Variants in GREB1 observed in about 807,000 individuals in gnomAD.
The protein encoded by GREB1 is protein GREB1.
A neutral mutation model predicts 200.7 loss-of-function variants in GREB1; 106 were observed. The ratio of observed to expected loss-of-function variants is 0.53; its 90% CI spans 0.45 to 0.62. The LOEUF is 0.62. Ranked by LOEUF, GREB1 falls within the 20% of genes least tolerant of loss-of-function variation. The pLI is 0.00. For synonymous variants in GREB1, 1,132 were observed against 1,092.4 expected (o/e 1.04, Z -0.72); for missense variants, 2,243 against 2,556.8 (o/e 0.88, Z 2.65).
chr2:11,508,935 C>T (rs1457918874), intron 1 of GREB1, among the ~76,000 whole-genome samples: 4 of 145,596 alleles, frequency 2.7e-5, no homozygotes, highest in East Asian at 4.1e-4. Context: ...AGTGCAGTGG[C>T]GCGATCTCGG....
At chr2:11,613,706 A>G (rs948571575) in intron 19 of GREB1, among the ~76,000 whole-genome samples, 1 of 152,198 alleles carries the variant, frequency 6.6e-6, no homozygotes, top group East Asian at 1.9e-4. Flanking sequence ...GTCTTAATCT[A>G]TTTTAAATTT....
At chr2:11,495,676 T>G (rs75438804) in intron 1 of GREB1, among the ~76,000 whole-genome samples, 5,370 of 152,036 alleles carry the variant, frequency 0.035, 321 homozygotes, top group African/African-American at 0.12. Context: ...CTTGTCTGAG[T>G]CCACACACCT....
intron 29 of GREB1, among the ~76,000 whole-genome samples, chr2:11,634,929 TG>T (rs1685187773): frequency 6.6e-6 from 1 of 152,248 alleles, no homozygotes; most frequent in African/African-American, 2.4e-5. Flanking sequence ...GGAGGTTTTT[TG>T]TTGCTTTCTT....
At chr2:11,627,203 T>C in intron 25 of GREB1, 99 bp downstream of exon 25, 1 of 1,155,460 alleles carries the variant, frequency 8.7e-7, no homozygotes, top group Non-Finnish European at 1.2e-6. Flanking sequence ...AGATAGAGAG[T>C]TCTGGAAGCC....
intron 1 of GREB1, among the ~76,000 whole-genome samples, chr2:11,514,453 A>G (rs1487168530): frequency 1.3e-5 from 2 of 152,188 alleles, no homozygotes; most frequent in African/African-American, 4.8e-5. Context: ...ATGCCACACC[A>G]TGTTTCCATG....
chr2:11,579,256 A>G (rs1429020730), intron 6 of GREB1, among the ~76,000 whole-genome samples: 1 of 152,108 alleles, frequency 6.6e-6, no homozygotes, highest in Admixed American at 6.5e-5. Context: ...CCAGGCCCCC[A>G]GTGCCTCTGC....
At position 11,562,533 on chromosome 2, in the gene GREB1, A is replaced by G. The variant is rs759544400; in HGVS notation, c.228A>G (p.Pro76=). The change falls in exon 3 of 33, where the codon CCA becomes CCG. Residue 76 remains proline, a synonymous_variant. Coordinates refer to ENST00000381486, the MANE Select transcript of GREB1 (RefSeq NM_014668.4). ...GAGGGCTGGAAACAAATGGCCCCCC[A>G]AACCCTTTCCAGCTGCACCCTCTGC... The part of the protein sequence containing the change: ...GEGGLETNGP[P]NPFQLHPLPE... 8.1e-6 allele frequency: 13 copies of G among 1,606,094 alleles called. No individual in the cohort carries two copies. The highest frequency in any genetic ancestry group is 1.1e-5 in the Non-Finnish European group (13 of 1,176,574).
chr2:11,640,230 C>A lies in GREB1; in HGVS notation c.5687-61C>A. The A allele has an allele frequency of 6.6e-7, 1 of 1,522,608 alleles. No homozygotes were observed. The highest frequency in any genetic ancestry group is 1.2e-5 in the South Asian group (1 of 81,284). The allele number at this position is 1,522,608 out of a possible 1,614,324, so 94.3% of individuals were successfully genotyped here. On this transcript the variant is annotated intron_variant, in intron 32 of 32. Coordinates refer to ENST00000381486, the MANE Select transcript of GREB1 (RefSeq NM_014668.4). The surrounding 1 kb of genome is among the most constrained non-coding windows in gnomAD (Gnocchi z 4.6). ...GTCATTGCAAGTAGAATCCGGGCAGCCGCTTTCCTCTGGATAAACTCACCT... is the reference window on the plus strand; with the variant it reads ...GTCATTGCAAGTAGAATCCGGGCAGACGCTTTCCTCTGGATAAACTCACCT...
At chr2:11,619,100 C>T (rs1194993183) in intron 22 of GREB1, among the ~76,000 whole-genome samples, 181 bp downstream of exon 22, 5 of 152,168 alleles carry the variant, frequency 3.3e-5, no homozygotes, top group Non-Finnish European at 5.9e-5. Context: ...ATCTGCCACT[C>T]AGGGCTGGTG....
upstream of GREB1, among the ~76,000 whole-genome samples, chr2:11,529,409 T>C (rs1428296140): frequency 6.6e-6 from 1 of 152,210 alleles, no homozygotes; most frequent in Admixed American, 6.5e-5. Flanking sequence ...AGATACCCTT[T>C]TACACCCACC....
chr2:11,589,149 T>G (rs1267274909), intron 10 of GREB1, among the ~76,000 whole-genome samples: 1 of 152,164 alleles, frequency 6.6e-6, no homozygotes, highest in East Asian at 1.9e-4. Flanking sequence ...TTTCCAGAAC[T>G]CTTTATCTGC....
intron 1 of GREB1, among the ~76,000 whole-genome samples, chr2:11,553,400 T>A (rs1437521972): frequency 2.0e-5 from 3 of 151,898 alleles, no homozygotes; most frequent in Non-Finnish European, 2.9e-5. Context: ...TTGGGGAGGC[T>A]GAGGTGGGAG....
intron 7 of GREB1, among the ~76,000 whole-genome samples, chr2:11,582,019 C>T (rs1045917197): frequency 6.6e-6 from 1 of 152,080 alleles, no homozygotes; most frequent in African/African-American, 2.4e-5. Flanking sequence ...CAGCCTAGCC[C>T]CAGGCAGCCT....
chr2:11,582,161 T>C (rs1190848985), intron 7 of GREB1, among the ~76,000 whole-genome samples: 1 of 152,168 alleles, frequency 6.6e-6, no homozygotes, highest in African/African-American at 2.4e-5. Flanking sequence ...TTCTGGGCTG[T>C]CTGTGGACCC....
In GREB1 at chr2:11,620,942, T is replaced by C; in HGVS notation, c.4082T>C (p.Val1361Ala). Residue 1361 changes from valine to alanine, a missense_variant, in exon 23 of 33, where the codon GTC becomes GCC. By Grantham distance (64) the Val-to-Ala change is moderately conservative (BLOSUM62 0). Around this residue, in one of 3 missense-constraint regions of GREB1, gnomAD observed 587 missense variants for 553.1 expected, o/e 1.06. Transcript: ENST00000381486. ...KTGAYLQFLSVLSRMLVRLTE... is the reference protein window; with the variant it reads ...KTGAYLQFLSALSRMLVRLTE... ...GGTGCCTACCTGCAGTTCCTCAGTG[T>C]CCTGTCCAGGATGCTTGTTCGGCTC... 6.2e-7 allele frequency: 1 copy of C among 1,613,108 alleles called. No homozygotes were observed. The highest frequency in any genetic ancestry group is 8.5e-7 in the Non-Finnish European group (1 of 1,179,014).
upstream of GREB1, among the ~76,000 whole-genome samples, chr2:11,532,773 T>C (rs771823516): frequency 4.4e-4 from 67 of 152,186 alleles, no homozygotes; most frequent in Non-Finnish European, 9.0e-4. Context: ...AGTGTTCTTG[T>C]TATCCAGGTT....
In GREB1 at chr2:11,595,125, A is replaced by G. The variant is rs76417179; in HGVS notation, c.1697-126A>G. On this transcript the variant is annotated intron_variant, in intron 11 of 32. Coordinates refer to ENST00000381486, the MANE Select transcript of GREB1 (RefSeq NM_014668.4). ...GACAGCAGGCCTGGGAGGTAGATCC[A>G]GCTGTTAGCCACAGATTCCAGATGG... is the stretch of plus-strand genomic sequence containing the variant. 1,377 of 806,950 alleles carry G rather than the reference A, an allele frequency of 1.7e-3. 5 individuals carry two copies. In the African/African-American group the frequency reaches 0.021, roughly 12 times the overall value. The allele number at this position is 806,950 out of a possible 1,614,324, so 50.0% of individuals were successfully genotyped here.
intron 27 of GREB1, 82 bp from the exon 28 acceptor site, chr2:11,632,807 C>T (rs746571750): frequency 2.6e-5 from 34 of 1,284,922 alleles, no homozygotes; most frequent in Non-Finnish European, 3.6e-5. Flanking sequence ...TGGGCGGCCC[C>T]GACAGCAGGT....
intron 2 of GREB1, among the ~76,000 whole-genome samples, chr2:11,559,103 G>T (rs1248114881): frequency 2.0e-5 from 3 of 152,188 alleles, no homozygotes; most frequent in African/African-American, 7.2e-5. Context: ...TCTGCTCATG[G>T]AAAGAAAACA....
Sources: allele counts gnomAD v4.1 joint callset (sites outside exome capture counted in the v4.1 genomes callset), GRCh38; gene constraint gnomAD v4.1.1; regional missense constraint gnomAD v4.1.1; non-coding constraint Gnocchi (gnomAD v3.1); transcripts MANE v1.5; gene names NCBI Gene and HGNC (gene_info 2026-07-23, HGNC 2026-07-21).